HDAC9: variants seen among roughly 807,000 people sequenced by gnomAD.
The protein encoded by HDAC9 is MEF-2 interacting transcription repressor (MITR) protein.
Under a neutral mutation model 139.4 loss-of-function variants are expected in HDAC9, and 41 were observed. The observed-to-expected ratio is 0.29, with a 90% confidence interval of 0.23 to 0.38. The LOEUF is 0.38. Among genes scored for constraint, HDAC9 ranks in the 10% least tolerant of loss-of-function variants. The pLI is 1.00. For missense variants in HDAC9, 1,147 were observed against 1,297.0 expected, an observed-to-expected ratio of 0.88 and a Z score of 1.78; for synonymous variants, 517 against 476.2, an observed-to-expected ratio of 1.09 and a Z score of -1.12.
intron 25 of HDAC9, among the ~76,000 whole-genome samples, chr7:18,984,302 G>A (rs1032923620): frequency 6.6e-6 from 1 of 152,144 alleles, no homozygotes; most frequent in East Asian, 1.9e-4. Flanking sequence ...CTTTGGGAAA[G>A]GAAAGGACTC....
intron 1 of HDAC9, among the ~76,000 whole-genome samples, chr7:18,159,724 T>G (rs111480971): frequency 3.9e-5 from 6 of 152,274 alleles, no homozygotes; most frequent in African/African-American, 7.2e-5. Flanking sequence ...TTAATATGGA[T>G]TATTGGAAAT....
intron 1 of HDAC9, chr7:18,430,886 A>C (rs577288056): frequency 2.0e-5 from 3 of 152,508 alleles, no homozygotes; most frequent in Non-Finnish European, 4.4e-5. Flanking sequence ...GACTATCTAA[A>C]CAAACCAAAC....
At chr7:18,658,330 G>T (rs1321477623) in intron 11 of HDAC9, among the ~76,000 whole-genome samples, 2 of 152,262 alleles carry the variant, frequency 1.3e-5, no homozygotes, top group East Asian at 3.9e-4. Context: ...TCTCAAACTA[G>T]TTGGAACAAA....
intron 1 of HDAC9, among the ~76,000 whole-genome samples, chr7:18,450,636 T>C (rs1792728885): frequency 6.6e-6 from 1 of 152,198 alleles, no homozygotes; most frequent in Non-Finnish European, 1.5e-5. Context: ...ATAAATTATT[T>C]CCTATTTCAA....
At chr7:18,258,791 T>C (rs1431522927) in intron 2 of HDAC9, among the ~76,000 whole-genome samples, 2 of 152,144 alleles carry the variant, frequency 1.3e-5, no homozygotes, top group Non-Finnish European at 2.9e-5. Flanking sequence ...AAAATCATAC[T>C]ATAAATCAGT....
At chr7:18,440,286 G>A (rs1791635638) in intron 1 of HDAC9, among the ~76,000 whole-genome samples, 1 of 151,222 alleles carries the variant, frequency 6.6e-6, no homozygotes, top group Non-Finnish European at 1.5e-5. Context: ...CCAGGTTAAA[G>A]TTATTCTCCT....
intron 17 of HDAC9, among the ~76,000 whole-genome samples, chr7:18,821,240 TATC>T (rs1020770108): frequency 1.3e-5 from 2 of 152,228 alleles, no homozygotes; most frequent in African/African-American, 4.8e-5. Flanking sequence ...CATTTAATAA[TATC>T]ATATTGACCC....
intron 6 of HDAC9, among the ~76,000 whole-genome samples, chr7:18,601,574 G>A (rs1234147175): frequency 6.6e-6 from 1 of 152,114 alleles, no homozygotes; most frequent in Non-Finnish European, 1.5e-5. Flanking sequence ...TCAGGGGAAA[G>A]CATTTTGTTT....
At chr7:18,343,956 C>G (rs1192080625) in intron 1 of HDAC9, among the ~76,000 whole-genome samples, 29 of 151,894 alleles carry the variant, frequency 1.9e-4, no homozygotes, top group Non-Finnish European at 8.8e-5. Context: ...TTAGTAAACC[C>G]TTATTTTTCC....
intron 1 of HDAC9, among the ~76,000 whole-genome samples, chr7:18,324,943 G>A (rs191710534): frequency 3.3e-5 from 5 of 152,184 alleles, no homozygotes; most frequent in African/African-American, 1.2e-4. Flanking sequence ...CTCTAATAAG[G>A]TATGAAAGTT....
At chr7:18,835,350 G>A (rs1796159559) in intron 19 of HDAC9, 117 bp from the exon 20 acceptor site, 1 of 1,132,164 alleles carries the variant, frequency 8.8e-7, no homozygotes, top group Non-Finnish European at 1.2e-6. Context: ...AACGTAGTGA[G>A]AAGACAGAAA....
intron 1 of HDAC9, among the ~76,000 whole-genome samples, chr7:18,093,113 G>T (rs1782270974): frequency 6.6e-6 from 1 of 152,180 alleles, no homozygotes; most frequent in Non-Finnish European, 1.5e-5. Context: ...AACACACCCT[G>T]TGCTCTAAGC....
intron 1 of HDAC9, among the ~76,000 whole-genome samples, chr7:18,144,824 C>T (rs376822683): frequency 6.6e-6 from 1 of 152,176 alleles, no homozygotes; most frequent in Non-Finnish European, 1.5e-5. Flanking sequence ...CTTGCACAGT[C>T]ACACATTCTG....
intron 2 of HDAC9, among the ~76,000 whole-genome samples, chr7:18,268,501 A>G (rs1362963956): frequency 6.6e-6 from 1 of 152,182 alleles, no homozygotes; most frequent in Non-Finnish European, 1.5e-5. Context: ...ATTAAAAAAA[A>G]AAAAGTTGTT....
chr7:18,823,269 G>T (rs1795123990), intron 17 of HDAC9, among the ~76,000 whole-genome samples: 1 of 152,212 alleles, frequency 6.6e-6, no homozygotes, highest in Non-Finnish European at 1.5e-5. Flanking sequence ...CATCAGCAAA[G>T]GGTAAGGAAT....
intron 1 of HDAC9, among the ~76,000 whole-genome samples, chr7:18,398,677 A>G (rs1008934340): frequency 6.6e-6 from 1 of 152,134 alleles, no homozygotes; most frequent in African/African-American, 2.4e-5. Context: ...ATAATTTTAC[A>G]TTTAAATATG....
At position 18,629,432 on chromosome 7, in the gene HDAC9, G is replaced by A; in HGVS notation, c.747G>A (p.Lys249=). ...ERRSSPLLRR[K]DGNVVTSFKK... is the part of the protein sequence containing the mutation. Reference sequence around the variant, plus strand: ...GAAGCAGCCCCTTACTCAGGCGGAAGGATGGAAATGTTGTCACTTCATTCA... The same window carrying A: ...GAAGCAGCCCCTTACTCAGGCGGAAAGATGGAAATGTTGTCACTTCATTCA... Residue 249 remains lysine (K), a synonymous_variant, in exon 7 of 26, where the codon AAG becomes AAA. Coordinates refer to ENST00000686413, the MANE Select transcript of HDAC9 (RefSeq NM_178425.4). 2 of 1,612,272 alleles carry A rather than the reference G, an allele frequency of 1.2e-6. No individual in the cohort carries two copies. The highest frequency in any genetic ancestry group is 1.3e-5 in the African/African-American group (1 of 74,862).
At chr7:18,977,919 G>GACACACACACACACACAC (rs147049392) in intron 25 of HDAC9, among the ~76,000 whole-genome samples, 1 of 140,926 alleles carries the variant, frequency 7.1e-6, no homozygotes, top group Non-Finnish European at 1.5e-5. Flanking sequence ...CAGACAGACA[G>GACACACACACACACACAC]ACACACACAC....
chr7:18,530,800 G>C (rs1024298399), intron 2 of HDAC9, among the ~76,000 whole-genome samples: 1 of 149,194 alleles, frequency 6.7e-6, no homozygotes, highest in African/African-American at 2.4e-5. Context: ...ATTTATATAT[G>C]TATGTGTATA....
Sources: gnomAD v4.1 joint callset for allele counts (sites outside exome capture counted in the v4.1 genomes callset) on GRCh38, gnomAD v4.1.1 for gene constraint, MANE v1.5 for transcripts, NCBI Gene and HGNC (gene_info 2026-07-23, HGNC 2026-07-21) for gene names.